Variants in WDR17 observed in about 807,000 individuals in gnomAD.
WDR17 encodes the protein WD repeat-containing protein 17.
A neutral mutation model predicts 161.7 loss-of-function variants in WDR17; 143 were observed. The ratio of observed to expected loss-of-function variants is 0.88; its 90% confidence interval spans 0.77 to 1.02. WDR17 has a LOEUF of 1.02. Ranked by LOEUF, WDR17 falls within the 50% of genes least tolerant of loss-of-function variation. The probability of loss-of-function intolerance (pLI) is 0.00; values close to 1 mark genes in which losing one functional copy is unlikely to be tolerated. For missense variants in WDR17, 1,469 were observed against 1,520.9 expected (o/e 0.97, Z 0.57); for synonymous variants, 517 against 515.6 (o/e 1.00, Z -0.04).
intron 1 of WDR17, among the ~76,000 whole-genome samples, chr4:176,091,192 T>C (rs1197876012): frequency 6.6e-6 from 1 of 152,218 alleles, no homozygotes; most frequent in East Asian, 1.9e-4. Flanking sequence ...AGCTGCAGAA[T>C]ACACATTTTT....
At chr4:176,100,078 A>G (rs1737571471) in intron 1 of WDR17, among the ~76,000 whole-genome samples, 1 of 152,066 alleles carries the variant, frequency 6.6e-6, no homozygotes, top group Non-Finnish European at 1.5e-5. Context: ...ATAATGATCT[A>G]TTTCCTTTTG....
chr4:176,076,268 C>CAT (rs1181590547), intron 1 of WDR17, among the ~76,000 whole-genome samples: 1 of 32,374 alleles, frequency 3.1e-5, no homozygotes. Flanking sequence ...CACACACACA[C>CAT]ATATATATAC....
At chr4:176,096,469 A>C (rs946114258) in intron 1 of WDR17, 1 of 1,468,204 alleles carries the variant, frequency 6.8e-7, no homozygotes, top group Admixed American at 1.8e-5. Flanking sequence ...TTAGGTGCTG[A>C]CTATTCTGAT....
intron 1 of WDR17, among the ~76,000 whole-genome samples, chr4:176,097,907 T>C (rs1737162447): frequency 6.6e-6 from 1 of 152,082 alleles, no homozygotes; most frequent in Non-Finnish European, 1.5e-5. Context: ...AATCTTCCTC[T>C]TCTTGCCCTT....
chr4:176,093,614 A>G (rs1281032046), intron 1 of WDR17, among the ~76,000 whole-genome samples: 1 of 152,226 alleles, frequency 6.6e-6, no homozygotes, highest in Non-Finnish European at 1.5e-5. Flanking sequence ...AATATCAATT[A>G]GATTCATGGA....
chr4:176,079,592 A>G (rs73874913), intron 1 of WDR17, among the ~76,000 whole-genome samples: 4,375 of 152,286 alleles, frequency 0.029, 202 homozygotes, highest in African/African-American at 0.098. Context: ...AAGGTGATTC[A>G]TATTGAATCA....
At chr4:176,091,356 A>G (rs1278722982) in intron 1 of WDR17, among the ~76,000 whole-genome samples, 5 of 152,192 alleles carry the variant, frequency 3.3e-5, no homozygotes, top group African/African-American at 9.6e-5. Context: ...TTTGGAAACT[A>G]TACAAACACA....
At chr4:176,073,272 A>G (rs1290767451) in intron 1 of WDR17, among the ~76,000 whole-genome samples, 1 of 152,136 alleles carries the variant, frequency 6.6e-6, no homozygotes, top group African/African-American at 2.4e-5. Flanking sequence ...ACCCTACAAC[A>G]GTCCCCAGAG....
rs186760472 is a variant in WDR17, at chr4:176,091,953, A to G, written c.-6-19622A>G. ...AGCAAGTAATGATATCAAAACGATAATAAAAAGTCTCCCATCAGGAAAATT... is the reference window on the plus strand; with the variant it reads ...AGCAAGTAATGATATCAAAACGATAGTAAAAAGTCTCCCATCAGGAAAATT... On this transcript the variant is annotated intron_variant, in intron 1 of 28. Transcript: ENST00000508596. Among the ~76,000 whole-genome samples the G allele has an allele frequency of 3.1e-3, 475 of 152,308 alleles. 2 individuals are homozygous for G. Among genetic ancestry groups the G allele is most frequent in the Non-Finnish European group, 5.8e-3 (397 of 68,024 alleles).
rs189547074 is a variant in WDR17, at chr4:176,117,265, G to T, written c.307+1286G>T. On this transcript the variant is annotated intron_variant, in intron 3 of 28. Transcript: ENST00000508596. ...CCATGTTTTCTGGTCATATCTGTTTGTCCAGCAATCACAAATTCTATAGGT... is the reference window on the plus strand; with the variant it reads ...CCATGTTTTCTGGTCATATCTGTTTTTCCAGCAATCACAAATTCTATAGGT... Among the ~76,000 whole-genome samples the T allele has an allele frequency of 7.2e-3, 1,098 of 151,986 alleles. 3 individuals are homozygous for T. The highest frequency in any genetic ancestry group is 0.011 in the Non-Finnish European group (736 of 67,832).
chr4:176,116,844 T>C (rs1309148203), intron 3 of WDR17, among the ~76,000 whole-genome samples: 1 of 151,920 alleles, frequency 6.6e-6, no homozygotes, highest in African/African-American at 2.4e-5. Flanking sequence ...TTAGACATAT[T>C]TGATATTTTT....
intron 2 of WDR17, among the ~76,000 whole-genome samples, chr4:176,115,428 A>C (rs532897502): frequency 6.6e-6 from 1 of 152,138 alleles, no homozygotes; most frequent in African/African-American, 2.4e-5. Flanking sequence ...TGATTCAAGT[A>C]TAAGTGAAAA....
intron 22 of WDR17, among the ~76,000 whole-genome samples, chr4:176,167,632 G>A (rs1335419802): frequency 1.1e-5 from 1 of 94,400 alleles, no homozygotes; most frequent in Non-Finnish European, 1.9e-5. Flanking sequence ...GGGCGACAGC[G>A]AGACTCCGTC....
At chr4:176,096,023 A>G (rs1451666016) in intron 1 of WDR17, among the ~76,000 whole-genome samples, 1 of 152,138 alleles carries the variant, frequency 6.6e-6, no homozygotes, top group Non-Finnish European at 1.5e-5. Flanking sequence ...AAAATGATTT[A>G]ACTGTCAACT....
chr4:176,091,199 T>G (rs540053621), intron 1 of WDR17, among the ~76,000 whole-genome samples: 1 of 152,276 alleles, frequency 6.6e-6, no homozygotes, highest in African/African-American at 2.4e-5. Context: ...GAATACACAT[T>G]TTTCTCCCCA....
intron 13 of WDR17, among the ~76,000 whole-genome samples, chr4:176,149,230 A>AT (rs1561181306): frequency 6.7e-6 from 1 of 150,176 alleles, no homozygotes; most frequent in African/African-American, 2.5e-5. Flanking sequence ...GCTTTCTAAT[A>AT]ATTTTTTTCT....
At chr4:176,139,841 A>G (rs1418821842) in intron 9 of WDR17, 51 bp from the exon 10 acceptor site, 3 of 1,448,662 alleles carry the variant, frequency 2.1e-6, no homozygotes, top group Admixed American at 1.9e-5. Context: ...TATATAAGAG[A>G]AAAAAGGGGT....
At chr4:176,156,822 T>C (rs1305554914) in intron 18 of WDR17, among the ~76,000 whole-genome samples, 1 of 152,196 alleles carries the variant, frequency 6.6e-6, no homozygotes, top group Non-Finnish European at 1.5e-5. Flanking sequence ...ATTAGTTCCA[T>C]GCTTCTCTCT....
rs113488450 is a variant in WDR17, at chr4:176,135,234, C to T, written c.1225C>T (p.Pro409Ser). Residue 409 changes from proline to serine, a missense_variant, in exon 8 of 29, where the codon CCG (proline) becomes TCG (serine). Coordinates refer to ENST00000508596, the MANE Select transcript of WDR17 (RefSeq NM_181265.4). ...CACATTAACAGCAGTGTACACATCCCCGGGTAATGAAGGTGTTATTTATTC... is the reference window on the plus strand; with the variant it reads ...CACATTAACAGCAGTGTACACATCCTCGGGTAATGAAGGTGTTATTTATTC... Reference protein sequence around the residue: ...INTLTAVYTSPGNEGVIYSLS... With the variant: ...INTLTAVYTSSGNEGVIYSLS... 21 of 1,612,048 alleles carry T rather than the reference C, an allele frequency of 1.3e-5. No individual in the cohort carries two copies. The highest frequency in any genetic ancestry group is 4.0e-5 in the African/African-American group (3 of 74,818).
Sources: allele counts gnomAD v4.1 joint callset (sites outside exome capture counted in the v4.1 genomes callset), GRCh38; gene constraint gnomAD v4.1.1; transcripts MANE v1.5; gene names NCBI Gene and HGNC (gene_info 2026-07-23, HGNC 2026-07-21).